The following SUPT3H variants were observed in gnomAD, a reference collection of about 807,000 sequenced individuals.
The protein encoded by SUPT3H is transcription initiation protein SPT3 homolog.
Under a neutral mutation model 44.3 loss-of-function variants are expected in SUPT3H, and 44 were observed. That is an observed-to-expected ratio of 0.99 (90% CI 0.78 to 1.28). The LOEUF (loss-of-function observed/expected upper bound fraction) is 1.28, where lower values mean the gene tolerates loss of function less well. SUPT3H is among the 50% of genes most tolerant of loss of function. The pLI, the probability that SUPT3H is intolerant of heterozygous loss-of-function variation, is 0.00. For synonymous variants in SUPT3H, 124 were observed against 125.6 expected (o/e 0.99, Z 0.09); for missense variants, 380 against 387.1 (o/e 0.98, Z 0.15).
intron 3 of SUPT3H, among the ~76,000 whole-genome samples, chr6:45,062,478 C>A (rs1486251024): frequency 6.6e-6 from 1 of 152,110 alleles, no homozygotes; most frequent in Non-Finnish European, 1.5e-5. Context: ...CGAATAGGAA[C>A]AGCTCCGGTC....
intron 7 of SUPT3H, among the ~76,000 whole-genome samples, chr6:44,959,800 T>C (rs961066385): frequency 6.6e-6 from 1 of 152,186 alleles, no homozygotes; most frequent in African/African-American, 2.4e-5. Flanking sequence ...TATGATCAAA[T>C]ACTTAAGAAG....
chr6:45,155,006 T>G (rs1425801992), intron 2 of SUPT3H, among the ~76,000 whole-genome samples: 1 of 152,112 alleles, frequency 6.6e-6, no homozygotes, highest in Non-Finnish European at 1.5e-5. Flanking sequence ...AGTGAAACTC[T>G]GTTCATCTTA....
intron 11 of SUPT3H, among the ~76,000 whole-genome samples, chr6:44,817,285 A>G (rs1034752527): frequency 1.3e-5 from 2 of 152,138 alleles, no homozygotes; most frequent in African/African-American, 2.4e-5. Context: ...ATTTGATAAA[A>G]TTCAACATCC....
At chr6:44,993,378 G>C (rs558094302) in intron 6 of SUPT3H, among the ~76,000 whole-genome samples, 1 of 152,152 alleles carries the variant, frequency 6.6e-6, no homozygotes, top group Non-Finnish European at 1.5e-5. Context: ...CTAGGTAAGA[G>C]TTAGGTTAGA....
chr6:45,133,425 T>C (rs553235195), intron 2 of SUPT3H, among the ~76,000 whole-genome samples: 2 of 152,210 alleles, frequency 1.3e-5, no homozygotes, highest in African/African-American at 4.8e-5. Flanking sequence ...TTTTACATTA[T>C]AATCATTGTA....
At chr6:45,317,311 A>T (rs2150018812) in intron 2 of SUPT3H, among the ~76,000 whole-genome samples, 1 of 151,198 alleles carries the variant, frequency 6.6e-6, no homozygotes, top group South Asian at 2.1e-4. Flanking sequence ...TGCAATCTTT[A>T]TCTAATGACA....
chr6:45,301,941 C>A (rs1354578135), intron 2 of SUPT3H, among the ~76,000 whole-genome samples: 1 of 152,018 alleles, frequency 6.6e-6, no homozygotes, highest in Non-Finnish European at 1.5e-5. Context: ...CTTTAGCAGA[C>A]AAAACCAAAC....
At chr6:44,870,018 T>C (rs924171059) in intron 10 of SUPT3H, among the ~76,000 whole-genome samples, 26 of 152,218 alleles carry the variant, frequency 1.7e-4, no homozygotes, top group Non-Finnish European at 2.9e-4. Context: ...CAAACACCTA[T>C]AACCAGTCTT....
At chr6:44,925,242 AC>A (rs1769347368) in intron 10 of SUPT3H, among the ~76,000 whole-genome samples, 1 of 152,190 alleles carries the variant, frequency 6.6e-6, no homozygotes, top group Admixed American at 6.5e-5. Context: ...TCTGTCATGC[AC>A]TTGCAAAGTG....
At chr6:44,947,914 T>A (rs1773614263) in intron 9 of SUPT3H, among the ~76,000 whole-genome samples, 1 of 152,010 alleles carries the variant, frequency 6.6e-6, no homozygotes, top group Non-Finnish European at 1.5e-5. Flanking sequence ...CAGGACAATA[T>A]CATCATGACA....
intron 3 of SUPT3H, among the ~76,000 whole-genome samples, chr6:45,070,755 A>AAG (rs1298937016): frequency 6.6e-6 from 1 of 151,372 alleles, no homozygotes; most frequent in Non-Finnish European, 1.5e-5. Flanking sequence ...AAAAAAAAAA[A>AAG]AAAAGAAATG....
rs1386574093 is a variant in SUPT3H, at chr6:45,079,509, GA to G, written c.186+26412del. ...AGGAGGAAGAAAAAAAGGAAGGAAG[GA>G]AAAAAACCTAGAAGAACCATGTTAC... On this transcript the variant is annotated intron_variant, in intron 3 of 10. Transcript: ENST00000371459. Among the ~76,000 whole-genome samples the G allele has an allele frequency of 8.6e-5, 13 of 151,054 alleles. No individual in the cohort carries two copies. In the South Asian group the frequency reaches 1.0e-3, roughly 12 times the overall value.
At chr6:45,373,327 CA>C (rs1563048111) in intron 1 of SUPT3H, among the ~76,000 whole-genome samples, 2 of 152,094 alleles carry the variant, frequency 1.3e-5, no homozygotes, top group African/African-American at 4.8e-5. Flanking sequence ...AACTACAGTA[CA>C]AAAAAGCCTC....
At chr6:44,865,446 A>C (rs1438733391) in intron 10 of SUPT3H, among the ~76,000 whole-genome samples, 1 of 152,122 alleles carries the variant, frequency 6.6e-6, no homozygotes, top group East Asian at 1.9e-4. Flanking sequence ...AGACATACCC[A>C]AGACTGGGTA....
intron 3 of SUPT3H, among the ~76,000 whole-genome samples, chr6:45,085,897 T>TA (rs900742118): frequency 6.6e-6 from 1 of 151,980 alleles, no homozygotes; most frequent in African/African-American, 2.4e-5. Context: ...TAGGTAGAAA[T>TA]AAAAAACACA....
intron 2 of SUPT3H, among the ~76,000 whole-genome samples, chr6:45,198,036 A>T (rs1816372981): frequency 6.6e-6 from 1 of 151,334 alleles, no homozygotes; most frequent in Non-Finnish European, 1.5e-5. Flanking sequence ...AAATAAAAAA[A>T]TCTCTCAAAG....
intron 2 of SUPT3H, among the ~76,000 whole-genome samples, chr6:45,287,656 T>C (rs1471915855): frequency 1.3e-5 from 2 of 152,134 alleles, no homozygotes; most frequent in African/African-American, 2.4e-5. Flanking sequence ...AATTTCAGTT[T>C]AGGAAGATGA....
rs9349317 is a variant in SUPT3H at position 45,219,811 on chromosome 6, T to A, written c.102-113805A>T. On this transcript the variant is annotated intron_variant, in intron 2 of 10. Transcript: ENST00000371459. Reference sequence around the variant, plus strand: ...ATCCCAGCACTTTGGGAGGCCGAGGTGGGTGGATCACGAGGTCAGGAGTTT... The same window carrying A: ...ATCCCAGCACTTTGGGAGGCCGAGGAGGGTGGATCACGAGGTCAGGAGTTT... Among the ~76,000 whole-genome samples the A allele has an allele frequency of 2.0e-5, 3 of 151,406 alleles. No homozygotes were observed. The East Asian group carries it at 5.8e-4, about 29-fold the overall frequency.
intron 2 of SUPT3H, among the ~76,000 whole-genome samples, chr6:45,256,786 G>A (rs961043579): frequency 6.6e-6 from 1 of 152,154 alleles, no homozygotes; most frequent in South Asian, 2.1e-4. Flanking sequence ...TTTTGTGCCT[G>A]AATAATAATC....
Sources: allele counts gnomAD v4.1 joint callset (sites outside exome capture counted in the v4.1 genomes callset), GRCh38; gene constraint gnomAD v4.1.1; transcripts MANE v1.5; gene names NCBI Gene and HGNC (gene_info 2026-07-23, HGNC 2026-07-21).